Variants in RIOX1 observed in about 807,000 individuals in gnomAD.
RIOX1 encodes 60S ribosomal protein L8 histidine hydroxylase.
A neutral mutation model predicts 44.6 loss-of-function variants in RIOX1; 33 were observed. The observed-to-expected ratio is 0.74, with a 90% CI of 0.56 to 0.99. The LOEUF (loss-of-function observed/expected upper bound fraction) is 0.99, where lower values mean the gene tolerates loss of function less well. Ranked by LOEUF, RIOX1 falls within the 50% of genes least tolerant of loss-of-function variation. RIOX1 has a pLI of 0.00. For missense variants in RIOX1, 821 were observed against 871.7 expected, an observed-to-expected ratio of 0.94 and a Z score of 0.73; for synonymous variants, 387 against 395.8, an observed-to-expected ratio of 0.98 and a Z score of 0.26.
Position 73,492,579 on chromosome 14 carries a change from T to TA in RIOX1, c.1564dup (p.Ser522LysfsTer40). The TA allele has an allele frequency of 6.2e-7, 1 of 1,613,902 alleles. No homozygotes were observed. Among genetic ancestry groups the TA allele is most frequent in the South Asian group, 1.1e-5 (1 of 91,066 alleles). On this transcript the variant is annotated frameshift_variant, in exon 1 of 1. Transcript: ENST00000304061. LOFTEE classifies it high-confidence loss of function. This position sits in a 1 kb window ranked among gnomAD's most constrained non-coding sequence, Gnocchi z 4.9. The stretch of plus-strand genomic sequence containing the variant: ...GTTTTGACTGATAGGGAGAGGGCAC[T>TA]AAGTGTTTACGGGCTTCCAATTCGC...
chr14:73,491,062 G>A lies in RIOX1; in HGVS notation c.45G>A (p.Arg15=), dbSNP rs753363122. Residue 15 remains arginine (R), a synonymous_variant, in exon 1 of 1, where the codon CGG becomes CGA. Transcript: ENST00000304061. Reference sequence around the variant, plus strand: ...GTGCAGGGCCGTTGAGGCGCGGGCGGCCGAAGCGCCGGCGCAAGCCCCAGC... The same window carrying A: ...GTGCAGGGCCGTTGAGGCGCGGGCGACCGAAGCGCCGGCGCAAGCCCCAGC... ...QASAGPLRRG[R]PKRRRKPQPH... The A allele has an allele frequency of 1.3e-6, 2 of 1,593,374 alleles. No individual in the cohort carries two copies. The highest frequency in any genetic ancestry group is 2.3e-5 in the East Asian group (1 of 43,670).
rs774687917 is a variant in RIOX1 at position 73,491,233 on chromosome 14, C to T, written c.216C>T (p.Ala72=). 2 of 1,589,936 alleles carry T rather than the reference C, an allele frequency of 1.3e-6. No individual in the cohort carries two copies. Among genetic ancestry groups the T allele is most frequent in the African/African-American group, 1.4e-5 (1 of 73,430 alleles). ...AGGAATCGAGGGTGGAGTCGACGGC[C>T]GACGACCTGGGGGACGCGCTACCCG... The part of the protein sequence containing the change: ...NSEESRVEST[A]DDLGDALPGG... The change falls in exon 1 of 1, where the codon GCC becomes GCT. Residue 72 remains alanine (A), a synonymous_variant. Transcript: ENST00000304061.
Position 73,490,936 on chromosome 14 carries a change from G to A in RIOX1, c.-82G>A. On this transcript the variant is annotated 5_prime_UTR_variant, in exon 1 of 1. It adds an upstream start codon to the 5' untranslated region. Coordinates refer to ENST00000304061, the MANE Select transcript of RIOX1 (RefSeq NM_024644.5). ...CTGGAGGCCGCGCCCCCTTCCCAGA[G>A]TGCACCGCAGCCGCTGCATTCAGGA... 2 of 1,272,226 alleles carry A rather than the reference G, an allele frequency of 1.6e-6. No individual in the cohort carries two copies. The highest frequency in any genetic ancestry group is 2.0e-6 in the Non-Finnish European group (2 of 1,003,546). The allele number at this position is 1,272,226 out of a possible 1,614,324, so 78.8% of individuals were successfully genotyped here. A position where few individuals can be genotyped will look rare whatever the true frequency, so the allele number is the denominator to read the frequency against.
chr14:73,491,056 C>A lies in RIOX1; in HGVS notation c.39C>A (p.Arg13=), dbSNP rs764516535. 11 of 1,589,984 alleles carry A rather than the reference C, an allele frequency of 6.9e-6. No individual in the cohort carries two copies. In the South Asian group the frequency reaches 1.3e-4, roughly 18 times the overall value. Residue 13 remains arginine, a synonymous_variant, in exon 1 of 1, where the codon CGC becomes CGA. Transcript: ENST00000304061. ...AGGCCAGTGCAGGGCCGTTGAGGCG[C>A]GGGCGGCCGAAGCGCCGGCGCAAGC... The part of the protein sequence containing the change: ...GLQASAGPLR[R]GRPKRRRKPQ...
Position 73,492,073 on chromosome 14 carries a change from A to G in RIOX1, c.1056A>G (p.Glu352=). 1 of 1,613,972 alleles carries G rather than the reference A, an allele frequency of 6.2e-7. No homozygotes were observed. Among genetic ancestry groups the G allele is most frequent in the Non-Finnish European group, 8.5e-7 (1 of 1,179,878 alleles). The change falls in exon 1 of 1, where the codon GAA becomes GAG. Residue 352 remains glutamate (E), a synonymous_variant. Transcript: ENST00000304061. The surrounding 1 kb of genome is among the most constrained non-coding windows in gnomAD (Gnocchi z 4.9). ...DDIEAFVLQL[E]GRKLWRVYRP... is the part of the protein sequence containing the mutation. ...TCGAGGCCTTCGTGCTGCAGCTGGA[A>G]GGTAGGAAACTCTGGCGTGTATACC...
chr14:73,491,172 C>G lies in RIOX1; in HGVS notation c.155C>G (p.Ala52Gly). ...CGAAGTGTTGTATCCCGCATGGCAG[C>G]GCTGAGGACGCAGACGCTGCCTAGC... ...QLRSVVSRMA[A>G]LRTQTLPSEN... Residue 52 changes from alanine to glycine, a missense_variant, in exon 1 of 1, where the codon GCG becomes GGG. Around this residue, in one of 2 missense-constraint regions of RIOX1, gnomAD observed 554 missense variants for 531.2 expected, o/e 1.04. Coordinates refer to ENST00000304061, the MANE Select transcript of RIOX1 (RefSeq NM_024644.5). The G allele has an allele frequency of 1.2e-6, 2 of 1,601,774 alleles. No individual in the cohort carries two copies. Among genetic ancestry groups the G allele is most frequent in the Non-Finnish European group, 1.7e-6 (2 of 1,174,374 alleles).
Position 73,493,259 on chromosome 14 carries a change from C to G in RIOX1, c.*316C>G. 1 of 690,256 alleles carries G rather than the reference C, an allele frequency of 1.4e-6. No homozygotes were observed. The highest frequency in any genetic ancestry group is 2.5e-6 in the Non-Finnish European group (1 of 404,584). The allele number at this position is 690,256 out of a possible 1,614,324, so 42.8% of individuals were successfully genotyped here. On this transcript the variant is annotated 3_prime_UTR_variant, in exon 1 of 1. Coordinates refer to ENST00000304061, the MANE Select transcript of RIOX1 (RefSeq NM_024644.5). ...ACTGACCATGTCGTTCTGCTTGAGA[C>G]AGATATTAGATTTTTTTTGGAATTT...
rs1295652537 is a variant in RIOX1 at position 73,492,573 on chromosome 14, G to A, written c.1556G>A (p.Arg519Lys). Residue 519 changes from arginine (R) to lysine (K), a missense_variant, in exon 1 of 1, where the codon AGG becomes AAG. Physicochemically the swap from Arg to Lys is conservative, Grantham distance 26. This residue lies in a region of RIOX1 where 267 missense variants were observed against 340.5 expected (regional missense o/e 0.78). Transcript: ENST00000304061. This position sits in a 1 kb window ranked among gnomAD's most constrained non-coding sequence, Gnocchi z 4.9. ...CCCCCTGTTTTGACTGATAGGGAGA[G>A]GGCACTAAGTGTTTACGGGCTTCCA... is the stretch of plus-strand genomic sequence containing the variant. ...SLPPVLTDRE[R>K]ALSVYGLPIR... The A allele has an allele frequency of 6.2e-7, 1 of 1,613,804 alleles. No individual in the cohort carries two copies. Among genetic ancestry groups the A allele is most frequent in the African/African-American group, 1.3e-5 (1 of 74,922 alleles).
Position 73,492,930 on chromosome 14 carries a change from T to C in RIOX1, c.1913T>C (p.Leu638Pro). 3 of 1,612,838 alleles carry C rather than the reference T, an allele frequency of 1.9e-6. No individual in the cohort carries two copies. Among genetic ancestry groups the C allele is most frequent in the East Asian group, 2.2e-5 (1 of 44,848 alleles). Residue 638 changes from leucine to proline, a missense_variant, in exon 1 of 1, where the codon CTA becomes CCA. Coordinates refer to ENST00000304061, the MANE Select transcript of RIOX1 (RefSeq NM_024644.5). This position sits in a 1 kb window ranked among gnomAD's most constrained non-coding sequence, Gnocchi z 4.9. ...DKGLLLTKMP[L>P]ALN ...GGGCTGCTGCTCACTAAGATGCCTC[T>C]AGCCCTAAATTAGTTTCTTGTTGAT... is the stretch of plus-strand genomic sequence containing the variant.
chr14:73,493,052 G>C lies in RIOX1; in HGVS notation c.*109G>C. ...CGTTCTTACCTTGATAAGCATCAGT[G>C]TGCTCACATTTACCTTTATCACTGC... is the stretch of plus-strand genomic sequence containing the variant. On this transcript the variant is annotated 3_prime_UTR_variant, in exon 1 of 1. Coordinates refer to ENST00000304061, the MANE Select transcript of RIOX1 (RefSeq NM_024644.5). 2 of 1,597,072 alleles carry C rather than the reference G, an allele frequency of 1.3e-6. No individual in the cohort carries two copies. The highest frequency in any genetic ancestry group is 4.5e-5 in the East Asian group (2 of 44,488).
rs772548676 is a variant in RIOX1 at position 73,491,245 on chromosome 14, G to A, written c.228G>A (p.Gly76=). ...TGGAGTCGACGGCCGACGACCTGGG[G>A]GACGCGCTACCCGGTGGGGCGGCGG... is the stretch of plus-strand genomic sequence containing the variant. ...SRVESTADDL[G]DALPGGAAVA... is the part of the protein sequence containing the mutation. Residue 76 remains glycine, a synonymous_variant, in exon 1 of 1, where the codon GGG becomes GGA. Transcript: ENST00000304061. 3 of 1,586,270 alleles carry A rather than the reference G, an allele frequency of 1.9e-6. No individual in the cohort carries two copies. Among genetic ancestry groups the A allele is most frequent in the African/African-American group, 2.7e-5 (2 of 73,050 alleles).
rs763588954 is a variant in RIOX1 at position 73,491,419 on chromosome 14, G to A, written c.402G>A (p.Glu134=). 1 of 1,348,730 alleles carries A rather than the reference G, an allele frequency of 7.4e-7. No individual in the cohort carries two copies. Among genetic ancestry groups the A allele is most frequent in the Non-Finnish European group, 9.4e-7 (1 of 1,058,906 alleles). The allele number at this position is 1,348,730 out of a possible 1,614,324, so 83.5% of individuals were successfully genotyped here. The change falls in exon 1 of 1, where the codon GAG becomes GAA. Residue 134 remains glutamate (E), a synonymous_variant. Transcript: ENST00000304061. ...PASAPPARLV[E]VPAAPVRVVE... ...CCGCGCCGCCCGCGCGCCTGGTGGA[G>A]GTGCCCGCCGCGCCGGTCCGGGTGG... is the stretch of plus-strand genomic sequence containing the variant.
rs1230640613 is a variant in RIOX1 at position 73,491,867 on chromosome 14, G to C, written c.850G>C (p.Ala284Pro). ...GAACCCACCCGGCCGCGCGCTGCCC[G>C]CCGCCGCGTGGTCCCTGTACCAGGC... ...TLNPPGRALP[A>P]AAWSLYQAGC... Residue 284 changes from alanine (A) to proline (P), a missense_variant, in exon 1 of 1, where the codon GCC becomes CCC. Transcript: ENST00000304061. 6 of 1,610,586 alleles carry C rather than the reference G, an allele frequency of 3.7e-6. No individual in the cohort carries two copies. The highest frequency in any genetic ancestry group is 2.2e-5 in the East Asian group (1 of 44,706).
Position 73,490,983 on chromosome 14 carries a change from G to T in RIOX1, c.-35G>T, listed in dbSNP as rs890843221. 1 of 1,326,138 alleles carries T rather than the reference G, an allele frequency of 7.5e-7. No homozygotes were observed. Among genetic ancestry groups the T allele is most frequent in the South Asian group, 2.2e-5 (1 of 45,242 alleles). The allele number at this position is 1,326,138 out of a possible 1,614,324, so 82.1% of individuals were successfully genotyped here. ...AGGAACCGCTTTAGCTTCGCCCCCG[G>T]CCGGCCGGGCGGGGAAGACTGGTGT... On this transcript the variant is annotated 5_prime_UTR_variant, in exon 1 of 1. Transcript: ENST00000304061.
Position 73,492,515 on chromosome 14 carries a change from C to CAG in RIOX1, c.1499_1500dup (p.Arg501SerfsTer15). ...TGCTCCTGTTGATGCTGTGGCCGAC[C>CAG]AGCGAGCCAAAGACTTCATTCACGA... On this transcript the variant is annotated frameshift_variant, in exon 1 of 1. Transcript: ENST00000304061. LOFTEE classifies it high-confidence loss of function. The surrounding 1 kb of genome is among the most constrained non-coding windows in gnomAD (Gnocchi z 4.9). The CAG allele has an allele frequency of 6.2e-7, 1 of 1,613,592 alleles. No individual in the cohort carries two copies. Among genetic ancestry groups the CAG allele is most frequent in the African/African-American group, 1.3e-5 (1 of 75,016 alleles).
chr14:73,491,095 C>T lies in RIOX1; in HGVS notation c.78C>T (p.Ser26=), dbSNP rs113149296. The T allele has an allele frequency of 3.7e-5, 59 of 1,600,360 alleles. No individual in the cohort carries two copies. The African/African-American group carries it at 5.5e-4, about 15-fold the overall frequency. ...GCCGGCGCAAGCCCCAGCCACACAG[C>T]GGGTCGGTCCTGGCCCTGCCCTTGA... The part of the protein sequence containing the change: ...PKRRRKPQPH[S]GSVLALPLRS... The change falls in exon 1 of 1, where the codon AGC becomes AGT. Residue 26 remains serine, a synonymous_variant. Transcript: ENST00000304061.
At position 73,493,320 on chromosome 14, in the gene RIOX1, C is replaced by T. The variant is rs757005600; in HGVS notation, c.*377C>T. On this transcript the variant is annotated 3_prime_UTR_variant, in exon 1 of 1. Coordinates refer to ENST00000304061, the MANE Select transcript of RIOX1 (RefSeq NM_024644.5). ...TCTGAGTTCTTTTTCATGGGCGGGT[C>T]GGGGTCAGTATCCTGTTTGTTATTG... 1.8e-6 allele frequency: 1 copy of T among 560,048 alleles called. No individual in the cohort carries two copies. The highest frequency in any genetic ancestry group is 2.6e-5 in the South Asian group (1 of 39,062). 34.7% of individuals were successfully genotyped at this position (560,048 alleles called of 1,614,324 possible).
rs1390909557 is a variant in RIOX1 at position 73,491,783 on chromosome 14, G to T, written c.766G>T (p.Val256Leu). 1 of 1,580,502 alleles carries T rather than the reference G, an allele frequency of 6.3e-7. No individual in the cohort carries two copies. ...DLDSMLRNEE[V>L]QFGQHLDAAR... ...GGATTCGATGCTGCGCAACGAGGAG[G>T]TGCAGTTCGGCCAGCATTTGGACGC... is the stretch of plus-strand genomic sequence containing the variant. The change falls in exon 1 of 1, where the codon GTG (valine) becomes TTG (leucine). Residue 256 changes from valine to leucine, a missense_variant. This residue lies in a region of RIOX1 where 554 missense variants were observed against 531.2 expected (regional missense o/e 1.04). Transcript: ENST00000304061.
At position 73,491,185 on chromosome 14, in the gene RIOX1, G is replaced by A. The variant is rs745802193; in HGVS notation, c.168G>A (p.Gln56=). Residue 56 remains glutamine, a synonymous_variant, in exon 1 of 1, where the codon CAG becomes CAA. Transcript: ENST00000304061. The part of the protein sequence containing the change: ...VVSRMAALRT[Q]TLPSENSEES... ...CCCGCATGGCAGCGCTGAGGACGCA[G>A]ACGCTGCCTAGCGAGAACTCGGAGG... The A allele has an allele frequency of 6.3e-7, 1 of 1,599,012 alleles. No homozygotes were observed. The highest frequency in any genetic ancestry group is 8.5e-7 in the Non-Finnish European group (1 of 1,172,928).
Sources: allele counts gnomAD v4.1 joint callset, GRCh38; gene constraint gnomAD v4.1.1; regional missense constraint gnomAD v4.1.1; non-coding constraint Gnocchi (gnomAD v3.1); transcripts MANE v1.5; gene names NCBI Gene and HGNC (gene_info 2026-07-23, HGNC 2026-07-21).